Variants in ARHGAP32 observed in about 807,000 individuals in gnomAD.
ARHGAP32 encodes rho GTPase-activating protein 32.
Under a neutral mutation model 186.5 loss-of-function variants are expected in ARHGAP32, and 51 were observed. The ratio of observed to expected loss-of-function variants is 0.27; its 90% CI spans 0.22 to 0.35. The LOEUF (loss-of-function observed/expected upper bound fraction) is 0.35, where lower values mean the gene tolerates loss of function less well. ARHGAP32 is among the 10% of genes least tolerant of loss of function. ARHGAP32 has a pLI of 1.00. For synonymous variants in ARHGAP32, 950 were observed against 964.3 expected, an observed-to-expected ratio of 0.99 and a Z score of 0.27; for missense variants, 2,186 against 2,623.5, an observed-to-expected ratio of 0.83 and a Z score of 3.64.
chr11:129,125,615 G>A (rs1457439048), intron 2 of ARHGAP32, among the ~76,000 whole-genome samples: 1 of 151,952 alleles, frequency 6.6e-6, no homozygotes, highest in Non-Finnish European at 1.5e-5. Flanking sequence ...AAGTTGGGAG[G>A]AGAATCACAA....
intron 1 of ARHGAP32, among the ~76,000 whole-genome samples, chr11:129,266,359 G>A (rs572257643): frequency 6.6e-6 from 1 of 151,932 alleles, no homozygotes; most frequent in African/African-American, 2.4e-5. Context: ...ATATATATAT[G>A]CTCCTAAACC....
In ARHGAP32 at chr11:128,968,958, C is replaced by A. The variant is rs762393449; in HGVS notation, c.6255G>T (p.Leu2085=). 11 of 1,566,808 alleles carry A rather than the reference C, an allele frequency of 7.0e-6. No homozygotes were observed. In the African/African-American group the frequency reaches 1.4e-4, roughly 19 times the overall value. The stretch of plus-strand genomic sequence containing the variant: ...GATGCTGCAAGGACAACTCTGCGGG[C>A]AGGAAGGCCCCTTGACCCAACGCTG... ...YATALGQGAF[L]PAELSLQHPE... The change falls in exon 23 of 23, where the codon CTG becomes CTT. Residue 2085 remains leucine (L), a synonymous_variant. Transcript: ENST00000682385.
chr11:129,276,378 G>A (rs1205101527), intron 1 of ARHGAP32, among the ~76,000 whole-genome samples: 1 of 152,164 alleles, frequency 6.6e-6, no homozygotes, highest in African/African-American at 2.4e-5. Flanking sequence ...ATAGCTCACT[G>A]TAACCCCTAA....
At chr11:129,234,869 T>A (rs2135646534) in intron 1 of ARHGAP32, among the ~76,000 whole-genome samples, 1 of 152,240 alleles carries the variant, frequency 6.6e-6, no homozygotes, top group South Asian at 2.1e-4. Flanking sequence ...TCTATTTCAA[T>A]CCCTATTTCA....
chr11:129,251,376 T>TA lies in ARHGAP32; in HGVS notation c.-5+27769dup, dbSNP rs1291085619. 1.4e-4 allele frequency among the ~76,000 whole-genome samples: 22 copies of TA among 152,172 alleles called. 1 individual carries two copies. Among genetic ancestry groups the TA allele is most frequent in the African/African-American group, 5.3e-4 (22 of 41,540 alleles). On this transcript the variant is annotated intron_variant, in intron 1 of 6. Transcript: ENST00000525234. ...TAAGTAGAAATTGTGCCTCTGACTA[T>TA]AAAAAACATATGGTAGAAAACAGTA...
chr11:128,969,387 A>G lies in ARHGAP32; in HGVS notation c.5826T>C (p.Ala1942=). The change falls in exon 23 of 23, where the codon GCT becomes GCC. Residue 1942 remains alanine, a synonymous_variant. Coordinates refer to ENST00000682385, the MANE Select transcript of ARHGAP32 (RefSeq NM_001378024.1). The surrounding 1 kb of genome is among the most constrained non-coding windows in gnomAD (Gnocchi z 4.8). ...GTCTTAAAGATTCTTGCCCGGATGC[A>G]GCATATTTTACTCCAGAGTTGTGGT... ...VSYHNSGVKY[A]ASGQESLRLN... is the part of the protein sequence containing the mutation. 6.2e-7 allele frequency: 1 copy of G among 1,614,200 alleles called. No homozygotes were observed. Among genetic ancestry groups the G allele is most frequent in the African/African-American group, 1.3e-5 (1 of 75,050 alleles).
intron 1 of ARHGAP32, among the ~76,000 whole-genome samples, chr11:129,235,436 T>A (rs1485022711): frequency 6.6e-6 from 1 of 152,176 alleles, no homozygotes; most frequent in African/African-American, 2.4e-5. Context: ...TAGTCTAAAA[T>A]TGTCATCATC....
chr11:129,260,021 A>G (rs534366663), intron 1 of ARHGAP32, among the ~76,000 whole-genome samples: 2 of 152,160 alleles, frequency 1.3e-5, no homozygotes, highest in Non-Finnish European at 2.9e-5. Context: ...AGAAGTTCAA[A>G]GGTCACTGGC....
At chr11:128,988,718 C>T (rs930133128) in intron 12 of ARHGAP32, among the ~76,000 whole-genome samples, 1 of 152,128 alleles carries the variant, frequency 6.6e-6, no homozygotes, top group Non-Finnish European at 1.5e-5. Context: ...AATTTCCTGG[C>T]CATATTTACA....
intron 1 of ARHGAP32, among the ~76,000 whole-genome samples, chr11:129,258,339 T>G (rs1415721864): frequency 6.6e-6 from 1 of 152,184 alleles, no homozygotes; most frequent in Non-Finnish European, 1.5e-5. Context: ...ATTTAAAGAT[T>G]GTCTCCTCCA....
Position 129,260,720 on chromosome 11 carries a change from G to A in ARHGAP32, c.-5+18426C>T, listed in dbSNP as rs572827657. ...AAATAAATTCCTACTACTTTCTTGC[G>A]CTAAAGGCAACCTCCAAAATCTTAG... On this transcript the variant is annotated intron_variant, in intron 1 of 6. Coordinates refer to the ARHGAP32 transcript ENST00000525234. Among the ~76,000 whole-genome samples, 25 of 152,036 alleles carry A rather than the reference G, an allele frequency of 1.6e-4. No homozygotes were observed. The East Asian group carries it at 4.3e-3, about 26-fold the overall frequency.
Position 129,052,248 on chromosome 11 carries a change from T to C in ARHGAP32, c.963+10032A>G, listed in dbSNP as rs186663493. Among the ~76,000 whole-genome samples the C allele has an allele frequency of 4.0e-3, 604 of 152,310 alleles. 2 individuals carry two copies. Among genetic ancestry groups the C allele is most frequent in the South Asian group, 8.9e-3 (43 of 4,826 alleles). On this transcript the variant is annotated intron_variant, in intron 10 of 22. Coordinates refer to ENST00000682385, the MANE Select transcript of ARHGAP32 (RefSeq NM_001378024.1). ...ATGTATGTATTTCAGGACTGTCTAT[T>C]CTTTCCCACTGATCTACTTATCTAT...
intron 11 of ARHGAP32, among the ~76,000 whole-genome samples, chr11:129,007,029 G>A (rs1937812889): frequency 6.6e-6 from 1 of 152,138 alleles, no homozygotes; most frequent in Non-Finnish European, 1.5e-5. Flanking sequence ...GCCACAGGGA[G>A]TACTGCCAGG....
chr11:129,122,835 T>A (rs1287121460), intron 5 of ARHGAP32, among the ~76,000 whole-genome samples: 1 of 152,006 alleles, frequency 6.6e-6, no homozygotes, highest in Non-Finnish European at 1.5e-5. Context: ...TGAAAGACAA[T>A]GTAAAGGGTG....
intron 13 of ARHGAP32, among the ~76,000 whole-genome samples, 196 bp downstream of exon 13, chr11:128,987,827 G>A (rs1945921722): frequency 6.6e-6 from 1 of 152,104 alleles, no homozygotes; most frequent in African/African-American, 2.4e-5. Flanking sequence ...AGATTAAGGT[G>A]CATGGTTCTC....
At chr11:129,127,954 ATC>A (rs1942702270) in intron 2 of ARHGAP32, among the ~76,000 whole-genome samples, 2 of 152,214 alleles carry the variant, frequency 1.3e-5, no homozygotes, top group South Asian at 2.1e-4. Context: ...CTATGTGTCT[ATC>A]TCTAGCAATT....
chr11:128,978,990 A>G (rs1945632234), intron 18 of ARHGAP32, 75 bp from the exon 19 acceptor site: 2 of 1,378,844 alleles, frequency 1.5e-6, no homozygotes, highest in South Asian at 1.4e-5. Context: ...AAATGAACAC[A>G]TGACAGAAAG....
At chr11:129,152,856 T>C (rs1250615919) in intron 2 of ARHGAP32, among the ~76,000 whole-genome samples, 2 of 152,132 alleles carry the variant, frequency 1.3e-5, no homozygotes, top group African/African-American at 4.8e-5. Flanking sequence ...TCACCACTTC[T>C]ATTTAACATA....
intron 10 of ARHGAP32, among the ~76,000 whole-genome samples, chr11:129,047,250 C>G (rs539817025): frequency 6.6e-6 from 1 of 152,314 alleles, no homozygotes; most frequent in Non-Finnish European, 1.5e-5. Context: ...GCACTGCTCA[C>G]TCCTCAAAAT....
Sources: gnomAD v4.1 joint callset for allele counts (sites outside exome capture counted in the v4.1 genomes callset) on GRCh38, gnomAD v4.1.1 for gene constraint, Gnocchi (gnomAD v3.1) non-coding constraint, MANE v1.5 for transcripts, NCBI Gene and HGNC (gene_info 2026-07-23, HGNC 2026-07-21) for gene names.